Variants in BCO1 observed in about 807,000 individuals in gnomAD.
BCO1 encodes the protein beta,beta-carotene 15,15'-dioxygenase.
Under a neutral mutation model 56.3 loss-of-function variants are expected in BCO1, and 54 were observed. The observed-to-expected ratio is 0.96, with a 90% confidence interval of 0.77 to 1.20. The LOEUF (loss-of-function observed/expected upper bound fraction) is 1.20. Ranked by LOEUF, BCO1 falls within the 50% of genes most tolerant of loss-of-function variation. The pLI is 0.00. For missense variants in BCO1, 801 were observed against 690.9 expected, an observed-to-expected ratio of 1.16 and a Z score of -1.79; for synonymous variants, 318 against 266.1, an observed-to-expected ratio of 1.20 and a Z score of -1.90.
intron 6 of BCO1, 42 bp downstream of exon 6, chr16:81,268,173 C>T: frequency 6.4e-7 from 1 of 1,554,914 alleles, no homozygotes; most frequent in African/African-American, 1.3e-5. Flanking sequence ...TGCTGGCTGA[C>T]CATGGAGGGA....
intron 8 of BCO1, among the ~76,000 whole-genome samples, chr16:81,284,284 A>T (rs28736425): frequency 6.2e-4 from 1 of 1,618 alleles, no homozygotes; most frequent in African/African-American, 7.4e-4. Flanking sequence ...TTATATATAA[A>T]TATATATTTA....
intron 5 of BCO1, 55 bp from the exon 6 acceptor site, chr16:81,267,853 T>G: frequency 6.6e-7 from 1 of 1,515,090 alleles, no homozygotes; most frequent in Non-Finnish European, 9.1e-7. Context: ...GGTGTGGTCT[T>G]GGGGGGGCAG....
chr16:81,246,561 G>A (rs1213591055), intron 2 of BCO1, among the ~76,000 whole-genome samples: 1 of 152,074 alleles, frequency 6.6e-6, no homozygotes, highest in Non-Finnish European at 1.5e-5. Flanking sequence ...GAAATGGACA[G>A]AGCTGGTAGC....
Position 81,259,532 on chromosome 16 carries a change from T to C in BCO1, c.194-144T>C, listed in dbSNP as rs531551825. ...AATAAAATTATATTTAAAATGCGAA[T>C]TGTATCGGCCCTGTGTACTAAAGGA... On this transcript the variant is annotated intron_variant, in intron 2 of 10. Transcript: ENST00000258168. 106 of 606,644 alleles carry C rather than the reference T, an allele frequency of 1.7e-4. No individual in the cohort carries two copies. The African/African-American group carries it at 1.8e-3, about 10-fold the overall frequency. The allele number at this position is 606,644 out of a possible 1,614,324, so 37.6% of individuals were successfully genotyped here. A position where few individuals can be genotyped will look rare whatever the true frequency, so the allele number is the denominator to read the frequency against.
intron 8 of BCO1, among the ~76,000 whole-genome samples, chr16:81,282,671 C>T (rs1248935022): frequency 6.6e-6 from 1 of 151,754 alleles, no homozygotes; most frequent in Non-Finnish European, 1.5e-5. Flanking sequence ...CCCACCACAT[C>T]CCTTTTTTTT....
At chr16:81,279,533 AGCAG>A (rs1907746338) in intron 7 of BCO1, among the ~76,000 whole-genome samples, 1 of 152,230 alleles carries the variant, frequency 6.6e-6, no homozygotes, top group Non-Finnish European at 1.5e-5. Flanking sequence ...CTTATTGTGA[AGCAG>A]GCATTCTTGT....
intron 2 of BCO1, among the ~76,000 whole-genome samples, chr16:81,258,000 G>A (rs920659617): frequency 7.2e-5 from 11 of 152,052 alleles, no homozygotes; most frequent in East Asian, 1.9e-4. Context: ...AAGCAGGAGC[G>A]TCAGCCTCAG....
chr16:81,282,719 A>T (rs898256484), intron 8 of BCO1, among the ~76,000 whole-genome samples: 1 of 150,014 alleles, frequency 6.7e-6, no homozygotes. Flanking sequence ...TTGTTGCAAT[A>T]TTGTCCACAC....
chr16:81,262,595 A>C (rs1906556363), intron 4 of BCO1: 1 of 367,588 alleles, frequency 2.7e-6, no homozygotes, highest in African/African-American at 2.1e-5. Context: ...TGGGAGGTCA[A>C]GGTGGGCAGA....
At chr16:81,289,454 C>T (rs952114199) in intron 10 of BCO1, among the ~76,000 whole-genome samples, 14 of 151,970 alleles carry the variant, frequency 9.2e-5, no homozygotes, top group Non-Finnish European at 4.4e-5. Context: ...CCAGCATGGG[C>T]GATATAGGGA....
intron 1 of BCO1, among the ~76,000 whole-genome samples, chr16:81,241,980 G>A (rs1905143788): frequency 6.6e-6 from 1 of 152,086 alleles, no homozygotes. Flanking sequence ...CCCACATAGG[G>A]TTGCTGCAAC....
intron 10 of BCO1, among the ~76,000 whole-genome samples, chr16:81,289,026 T>C (rs1265295287): frequency 6.6e-6 from 1 of 152,212 alleles, no homozygotes; most frequent in Admixed American, 6.5e-5. Flanking sequence ...TCCTTTACAT[T>C]CTCTGTGAGG....
chr16:81,273,582 G>C (rs9934368), intron 7 of BCO1, among the ~76,000 whole-genome samples: 1 of 151,866 alleles, frequency 6.6e-6, no homozygotes, highest in African/African-American at 2.4e-5. Context: ...CCATTTGTGT[G>C]TCTCTGCCAT....
Position 81,290,632 on chromosome 16 carries a change from A to G in BCO1, c.*55A>G. On this transcript the variant is annotated 3_prime_UTR_variant, in exon 11 of 11. Transcript: ENST00000258168. Reference sequence around the variant, plus strand: ...GCTCGGCTGTCAGAACTCCATGGATATGTTTCTTTGGATGGAGGGGAGGGC... The same window carrying G: ...GCTCGGCTGTCAGAACTCCATGGATGTGTTTCTTTGGATGGAGGGGAGGGC... 2 of 1,430,412 alleles carry G rather than the reference A, an allele frequency of 1.4e-6. No homozygotes were observed. The highest frequency in any genetic ancestry group is 1.4e-5 in the African/African-American group (1 of 71,130). The allele number at this position is 1,430,412 out of a possible 1,614,324, so 88.6% of individuals were successfully genotyped here.
intron 1 of BCO1, among the ~76,000 whole-genome samples, chr16:81,241,880 C>T (rs1246713977): frequency 1.3e-5 from 2 of 152,114 alleles, no homozygotes; most frequent in Admixed American, 6.6e-5. Flanking sequence ...CTGGCTGTGC[C>T]GACACACGTG....
In BCO1 at chr16:81,268,137, G is replaced by A. The variant is rs1256645306; in HGVS notation, c.843+6G>A. 3 of 1,605,410 alleles carry A rather than the reference G, an allele frequency of 1.9e-6. No homozygotes were observed. Among genetic ancestry groups the A allele is most frequent in the Admixed American group, 3.3e-5 (2 of 59,992 alleles). On this transcript the variant is annotated splice_donor_region_variant and intron_variant, in intron 6 of 10. Coordinates refer to ENST00000258168, the MANE Select transcript of BCO1 (RefSeq NM_017429.3). ...CTTTCCACAGGGAGGAGAAGGTGAG[G>A]TCTGGCTGGACTCTAGCCCAGTGGG...
intron 2 of BCO1, among the ~76,000 whole-genome samples, 171 bp from the exon 3 acceptor site, chr16:81,259,505 T>G (rs1439288914): frequency 6.6e-6 from 1 of 152,040 alleles, no homozygotes; most frequent in East Asian, 1.9e-4. Flanking sequence ...ATAATAATAA[T>G]AAATAAAATT....
At chr16:81,251,813 G>A (rs1176903205) in intron 2 of BCO1, among the ~76,000 whole-genome samples, 1 of 150,894 alleles carries the variant, frequency 6.6e-6, no homozygotes, top group African/African-American at 2.4e-5. Context: ...TTGAACATTG[G>A]AAAGTTTCTT....
chr16:81,286,886 G>A (rs563290975), intron 9 of BCO1, among the ~76,000 whole-genome samples: 165 of 151,600 alleles, frequency 1.1e-3, no homozygotes, highest in South Asian at 3.3e-3. Flanking sequence ...AGACCAACCT[G>A]GCTATGGTGA....
Sources: gnomAD v4.1 joint callset for allele counts (sites outside exome capture counted in the v4.1 genomes callset) on GRCh38, gnomAD v4.1.1 for gene constraint, MANE v1.5 for transcripts, NCBI Gene and HGNC (gene_info 2026-07-23, HGNC 2026-07-21) for gene names.